OTUD7A: variants seen among roughly 807,000 people sequenced by gnomAD.
OTUD7A encodes OTU deubiquitinase 7A.
Under a neutral mutation model 65.7 loss-of-function variants are expected in OTUD7A, and 12 were observed. The ratio of observed to expected loss-of-function variants is 0.18; its 90% CI spans 0.12 to 0.30. The LOEUF is 0.30. Ranked by LOEUF, OTUD7A falls within the 10% of genes least tolerant of loss-of-function variation. The pLI, the probability that OTUD7A is intolerant of heterozygous loss-of-function variation, is 1.00. For synonymous variants in OTUD7A, 641 were observed against 586.3 expected, an observed-to-expected ratio of 1.09 and a Z score of -1.35; for missense variants, 1,148 against 1,304.8, an observed-to-expected ratio of 0.88 and a Z score of 1.85.
intron 8 of OTUD7A, among the ~76,000 whole-genome samples, chr15:31,522,600 T>C (rs1332882432): frequency 3.3e-5 from 5 of 152,210 alleles, no homozygotes; most frequent in Non-Finnish European, 7.3e-5. Flanking sequence ...TTCTCTGTGA[T>C]TGGTGATGAT....
At chr15:31,516,961 C>T (rs1409148506) in intron 8 of OTUD7A, among the ~76,000 whole-genome samples, 1 of 152,160 alleles carries the variant, frequency 6.6e-6, no homozygotes, top group Non-Finnish European at 1.5e-5. Flanking sequence ...GCAGAGGCTA[C>T]CCCAGGCCAT....
intron 1 of OTUD7A, among the ~76,000 whole-genome samples, chr15:31,861,719 T>C (rs1193130248): frequency 6.6e-6 from 1 of 151,956 alleles, no homozygotes; most frequent in Non-Finnish European, 1.5e-5. Flanking sequence ...TTCTAGGACA[T>C]ATTTCCAAGG....
chr15:31,635,826 G>C (rs1429966678), intron 3 of OTUD7A, among the ~76,000 whole-genome samples: 3 of 152,234 alleles, frequency 2.0e-5, no homozygotes, highest in African/African-American at 7.2e-5. Context: ...ACAAACGGGG[G>C]CCATGTGGGA....
chr15:31,617,860 T>A (rs1167354703), intron 3 of OTUD7A, among the ~76,000 whole-genome samples: 1 of 152,170 alleles, frequency 6.6e-6, no homozygotes, highest in Non-Finnish European at 1.5e-5. Context: ...ACATGTGCCA[T>A]GTTGGTGTGC....
intron 1 of OTUD7A, among the ~76,000 whole-genome samples, chr15:31,844,704 T>G (rs769583882): frequency 6.6e-6 from 1 of 152,098 alleles, no homozygotes; most frequent in Non-Finnish European, 1.5e-5. Context: ...CTCTACACAG[T>G]TCACCTTACT....
At chr15:31,677,661 C>T (rs568177150) in intron 1 of OTUD7A, among the ~76,000 whole-genome samples, 249 of 152,352 alleles carry the variant, frequency 1.6e-3, no homozygotes, top group African/African-American at 5.8e-3. Flanking sequence ...CTTCACCTTC[C>T]ACCATGATTG....
At chr15:31,755,750 C>T (rs1567006611) in intron 1 of OTUD7A, among the ~76,000 whole-genome samples, 1 of 151,756 alleles carries the variant, frequency 6.6e-6, no homozygotes. Flanking sequence ...TGGTCTTCAA[C>T]GTCAAAGAAA....
At chr15:31,620,162 G>C (rs1184802819) in intron 3 of OTUD7A, among the ~76,000 whole-genome samples, 1 of 152,116 alleles carries the variant, frequency 6.6e-6, no homozygotes, top group Admixed American at 6.5e-5. Flanking sequence ...TGCTGGATTC[G>C]GTCTGCCAGT....
intron 1 of OTUD7A, among the ~76,000 whole-genome samples, chr15:31,817,728 C>T (rs1896586347): frequency 6.6e-6 from 1 of 152,210 alleles, no homozygotes; most frequent in Admixed American, 6.5e-5. Flanking sequence ...GCCTGAAATC[C>T]AGCCACCACC....
At chr15:31,840,768 A>C (rs1897164565) in intron 1 of OTUD7A, among the ~76,000 whole-genome samples, 1 of 152,236 alleles carries the variant, frequency 6.6e-6, no homozygotes, top group South Asian at 2.1e-4. Flanking sequence ...CACATTACTC[A>C]ATCTAGTACA....
Position 31,479,534 on chromosome 15 carries a change from G to GT in OTUD7A, c.*3759dup, listed in dbSNP as rs1228762573. ...TACACACATGGATTTGGAAAAGTCTGTTTTTTCTTGTACAAATTTCCCACC... is the reference window on the plus strand; with the variant it reads ...TACACACATGGATTTGGAAAAGTCTGTTTTTTTCTTGTACAAATTTCCCACC... On this transcript the variant is annotated 3_prime_UTR_variant, in exon 13 of 13. Transcript: ENST00000307050. The GT allele has an allele frequency of 6.6e-6, 1 of 152,110 alleles. No individual in the cohort carries two copies. Among genetic ancestry groups the GT allele is most frequent in the African/African-American group, 2.4e-5 (1 of 41,418 alleles). 9.4% of individuals were successfully genotyped at this position (152,110 alleles called of 1,614,324 possible).
chr15:31,634,226 G>A (rs565970269), intron 3 of OTUD7A, among the ~76,000 whole-genome samples: 2 of 152,238 alleles, frequency 1.3e-5, no homozygotes, highest in East Asian at 3.9e-4. Flanking sequence ...TCAGGGCAGG[G>A]CTGGACTTCA....
At chr15:31,750,326 T>C (rs1441688413) in intron 1 of OTUD7A, among the ~76,000 whole-genome samples, 13 of 143,904 alleles carry the variant, frequency 9.0e-5, no homozygotes, top group Non-Finnish European at 1.5e-5. Context: ...GAGAATAGCC[T>C]GAACTTGGGA....
chr15:31,660,787 C>T (rs1208086805), intron 1 of OTUD7A, among the ~76,000 whole-genome samples: 2 of 152,210 alleles, frequency 1.3e-5, no homozygotes, highest in African/African-American at 2.4e-5. Flanking sequence ...TGAAGTTCTT[C>T]GCATTGTTGC....
At chr15:31,786,724 A>G (rs1213647618) in intron 1 of OTUD7A, among the ~76,000 whole-genome samples, 2 of 152,166 alleles carry the variant, frequency 1.3e-5, no homozygotes, top group East Asian at 3.8e-4. Context: ...AAGCAGGTAT[A>G]GTTGCCTTGA....
rs1253061195 is a variant in OTUD7A, at chr15:31,527,289, G to A, written c.672C>T (p.Asp224=). The part of the protein sequence containing the change: ...AASLGMWGFH[D]RDLVLRKALY... ...GAGCTTTCCGTAACACCAGGTCCCG[G>A]TCGTGAAACCCCCACATTCCTGGAG... Residue 224 remains aspartate, a synonymous_variant, in exon 7 of 13, where the codon GAC becomes GAT. Coordinates refer to ENST00000307050, the MANE Select transcript of OTUD7A (RefSeq NM_001382637.1). 1.2e-6 allele frequency: 2 copies of A among 1,614,004 alleles called. No individual in the cohort carries two copies. The highest frequency in any genetic ancestry group is 2.2e-5 in the South Asian group (2 of 91,066).
At chr15:31,747,217 T>A (rs1894504371) in intron 1 of OTUD7A, among the ~76,000 whole-genome samples, 1 of 152,178 alleles carries the variant, frequency 6.6e-6, no homozygotes, top group Middle Eastern at 3.2e-3. Context: ...AGATCGGGGC[T>A]GAAAGTATCA....
chr15:31,750,864 G>T (rs1161642430), intron 1 of OTUD7A, among the ~76,000 whole-genome samples: 2 of 152,142 alleles, frequency 1.3e-5, no homozygotes, highest in African/African-American at 4.8e-5. Context: ...TGGGAAAACT[G>T]GTTAGCCATA....
intron 1 of OTUD7A, among the ~76,000 whole-genome samples, chr15:31,747,178 A>G (rs1595742598): frequency 6.6e-6 from 1 of 152,340 alleles, no homozygotes; most frequent in East Asian, 1.9e-4. Flanking sequence ...TACTGGTAAA[A>G]GGAGTTACCA....
Sources: allele counts gnomAD v4.1 joint callset (sites outside exome capture counted in the v4.1 genomes callset), GRCh38; gene constraint gnomAD v4.1.1; transcripts MANE v1.5; gene names NCBI Gene and HGNC (gene_info 2026-07-23, HGNC 2026-07-21).